The following LRCH1 variants were observed in gnomAD, a reference collection of about 807,000 sequenced individuals.
The protein encoded by LRCH1 is leucine rich repeats and calponin homology domain containing 1.
Under a neutral mutation model 94.9 loss-of-function variants are expected in LRCH1, and 23 were observed. The observed-to-expected ratio is 0.24, with a 90% confidence interval of 0.17 to 0.34. The LOEUF (loss-of-function observed/expected upper bound fraction) is 0.34. LRCH1 is among the 10% of genes least tolerant of loss of function. The pLI, the probability that LRCH1 is intolerant of heterozygous loss-of-function variation, is 1.00. For missense variants in LRCH1, 790 were observed against 945.9 expected, an observed-to-expected ratio of 0.84 and a Z score of 2.16; for synonymous variants, 364 against 354.9, an observed-to-expected ratio of 1.03 and a Z score of -0.29.
chr13:46,628,827 G>A (rs2050983762), intron 1 of LRCH1, among the ~76,000 whole-genome samples: 1 of 152,060 alleles, frequency 6.6e-6, no homozygotes. Context: ...GAGACAAATC[G>A]TGGATGAACC....
rs1212810690 is a variant in LRCH1, at chr13:46,553,381, G to A, written c.-16G>A. 2 of 1,520,636 alleles carry A rather than the reference G, an allele frequency of 1.3e-6. No individual in the cohort carries two copies. Among genetic ancestry groups the A allele is most frequent in the Non-Finnish European group, 1.8e-6 (2 of 1,137,584 alleles). 94.2% of individuals were successfully genotyped at this position (1,520,636 alleles called of 1,614,324 possible). On this transcript the variant is annotated 5_prime_UTR_variant, in exon 1 of 20. Coordinates refer to ENST00000389797, the MANE Select transcript of LRCH1 (RefSeq NM_001164211.2). The stretch of plus-strand genomic sequence containing the variant: ...CCGCAGGAGCGGCGGGGCGGGGTGG[G>A]GGGGCCCGGGAGAAGATGGCGACGC...
chr13:46,704,985 A>G, intron 11 of LRCH1, 83 bp from the exon 12 acceptor site: 2 of 712,658 alleles, frequency 2.8e-6, no homozygotes, highest in Non-Finnish European at 2.3e-6. Context: ...TAAATTAAAA[A>G]TTTAAACTGA....
chr13:46,728,768 A>C (rs1302192048), intron 17 of LRCH1, 79 bp from the exon 18 acceptor site: 5 of 1,346,854 alleles, frequency 3.7e-6, no homozygotes, highest in Non-Finnish European at 4.0e-6. Flanking sequence ...GCCTCAGTTC[A>C]TAAATACCCA....
In LRCH1 at chr13:46,744,506, A is replaced by G. The variant is rs2138256538; in HGVS notation, c.*2658A>G. ...TCTGGTTTGTTATTTTTAGGGAGAG[A>G]CACTTATGAAATGGGGCTGGTGGAA... is the stretch of plus-strand genomic sequence containing the variant. On this transcript the variant is annotated 3_prime_UTR_variant, in exon 20 of 20. Transcript: ENST00000389797. The G allele has an allele frequency of 1.0e-6, 1 of 985,370 alleles. No homozygotes were observed. Among genetic ancestry groups the G allele is most frequent in the Non-Finnish European group, 1.2e-6 (1 of 829,928 alleles). The allele number at this position is 985,370 out of a possible 1,614,324, so 61.0% of individuals were successfully genotyped here. A position where few individuals can be genotyped will look rare whatever the true frequency, so the allele number is the denominator to read the frequency against.
chr13:46,707,908 G>T (rs1212766975), intron 13 of LRCH1, among the ~76,000 whole-genome samples: 1 of 152,170 alleles, frequency 6.6e-6, no homozygotes, highest in Non-Finnish European at 1.5e-5. Context: ...TCTAGGTAAA[G>T]GTATAAGTGA....
At position 46,711,852 on chromosome 13, in the gene LRCH1, T is replaced by G. The variant is rs1872081713; in HGVS notation, c.1581+8T>G. 2 of 1,609,180 alleles carry G rather than the reference T, an allele frequency of 1.2e-6. No homozygotes were observed. Among genetic ancestry groups the G allele is most frequent in the South Asian group, 2.2e-5 (2 of 90,886 alleles). ...CAGTATTCTCCAAATGAGGTAAGTT[T>G]CTTGAAGATTAATGGAAGGTGAGGT... On this transcript the variant is annotated splice_region_variant and intron_variant, in intron 14 of 19. Coordinates refer to ENST00000389797, the MANE Select transcript of LRCH1 (RefSeq NM_001164211.2).
intron 1 of LRCH1, among the ~76,000 whole-genome samples, chr13:46,588,046 G>A (rs1462212005): frequency 6.6e-6 from 1 of 152,130 alleles, no homozygotes; most frequent in East Asian, 1.9e-4. Context: ...ACTCTAGGCT[G>A]TATTTCTCCC....
intron 1 of LRCH1, among the ~76,000 whole-genome samples, chr13:46,622,850 T>G (rs76422419): frequency 0.021 from 3,201 of 152,294 alleles, 117 homozygotes; most frequent in African/African-American, 0.073. Context: ...TTGAGAACGT[T>G]TTACCTTTTT....
At chr13:46,651,911 G>T (rs1318595808) in intron 2 of LRCH1, among the ~76,000 whole-genome samples, 1 of 144,272 alleles carries the variant, frequency 6.9e-6, no homozygotes. Context: ...GTTTTGAGAC[G>T]GAGTCTTGCT....
At chr13:46,583,820 G>T (rs1313255940) in intron 1 of LRCH1, among the ~76,000 whole-genome samples, 2 of 151,340 alleles carry the variant, frequency 1.3e-5, no homozygotes, top group Non-Finnish European at 2.9e-5. Flanking sequence ...GAGTGCAGTG[G>T]CGCAATCTCC....
chr13:46,620,013 A>G (rs1348754490), intron 1 of LRCH1, among the ~76,000 whole-genome samples: 3 of 152,204 alleles, frequency 2.0e-5, no homozygotes, highest in African/African-American at 7.2e-5. Flanking sequence ...ACTAATTTAA[A>G]TTATGAATAG....
chr13:46,630,705 A>T (rs1016832132), intron 1 of LRCH1, among the ~76,000 whole-genome samples: 1 of 152,210 alleles, frequency 6.6e-6, no homozygotes, highest in African/African-American at 2.4e-5. Flanking sequence ...ATTTGAATGC[A>T]TGGGGAGAGG....
Position 46,685,975 on chromosome 13 carries a change from T to TA in LRCH1, c.757dup (p.Arg253LysfsTer12). 1 of 1,611,724 alleles carries TA rather than the reference T, an allele frequency of 6.2e-7. No homozygotes were observed. Among genetic ancestry groups the TA allele is most frequent in the Non-Finnish European group, 8.5e-7 (1 of 1,179,202 alleles). Reference sequence around the variant, plus strand: ...AAGTGCTCGTGATTCCAATTTGTTTTAGAGAGATGAAGCAGCTGCAAGTGT... The same window carrying TA: ...AAGTGCTCGTGATTCCAATTTGTTTTAAGAGAGATGAAGCAGCTGCAAGTGT... On this transcript the variant is annotated frameshift_variant, in exon 5 of 20. Coordinates refer to ENST00000389797, the MANE Select transcript of LRCH1 (RefSeq NM_001164211.2). LOFTEE classifies it high-confidence loss of function.
At chr13:46,738,837 A>C (rs1873517424) in intron 19 of LRCH1, among the ~76,000 whole-genome samples, 1 of 152,214 alleles carries the variant, frequency 6.6e-6, no homozygotes, top group South Asian at 2.1e-4. Flanking sequence ...AAAGAATGCA[A>C]CTAATTTCCA....
At chr13:46,653,056 CAG>C (rs1031255247) in intron 2 of LRCH1, among the ~76,000 whole-genome samples, 16 of 152,062 alleles carry the variant, frequency 1.1e-4, no homozygotes, top group Admixed American at 3.3e-4. Flanking sequence ...AAGGCAAAGA[CAG>C]AGAATTCATT....
At chr13:46,564,689 T>A (rs1224099218) in intron 1 of LRCH1, among the ~76,000 whole-genome samples, 1 of 152,240 alleles carries the variant, frequency 6.6e-6, no homozygotes, top group East Asian at 1.9e-4. Flanking sequence ...ATTTAATTTT[T>A]ATATTTCTTC....
Position 46,686,005 on chromosome 13 carries a change from A to G in LRCH1, c.786A>G (p.Leu262=). 11 of 1,609,446 alleles carry G rather than the reference A, an allele frequency of 6.8e-6. No homozygotes were observed. Among genetic ancestry groups the G allele is most frequent in the Non-Finnish European group, 9.3e-6 (11 of 1,178,358 alleles). The change falls in exon 5 of 20, where the codon CTA becomes CTG. Residue 262 remains leucine, a synonymous_variant. Transcript: ENST00000389797. Reference sequence around the variant, plus strand: ...AGATGAAGCAGCTGCAAGTGTTACTACTTGAGAATAACCCTCTGCAGTCTC... The same window carrying G: ...AGATGAAGCAGCTGCAAGTGTTACTGCTTGAGAATAACCCTCTGCAGTCTC... ...FREMKQLQVL[L]LENNPLQSPP...
intron 1 of LRCH1, among the ~76,000 whole-genome samples, chr13:46,631,192 A>G (rs2051012937): frequency 6.6e-6 from 1 of 152,238 alleles, no homozygotes; most frequent in South Asian, 2.1e-4. Flanking sequence ...TTCCATAGCA[A>G]ACATTTCCCT....
At chr13:46,587,206 G>C (rs2050445006) in intron 1 of LRCH1, among the ~76,000 whole-genome samples, 1 of 152,190 alleles carries the variant, frequency 6.6e-6, no homozygotes, top group Admixed American at 6.5e-5. Flanking sequence ...CCTGATTCTA[G>C]AGAAGAGTGG....
Sources: allele counts gnomAD v4.1 joint callset (sites outside exome capture counted in the v4.1 genomes callset), GRCh38; gene constraint gnomAD v4.1.1; transcripts MANE v1.5; gene names NCBI Gene and HGNC (gene_info 2026-07-23, HGNC 2026-07-21).